SGCZ: variants seen among roughly 807,000 people sequenced by gnomAD.
The protein encoded by SGCZ is sarcoglycan zeta.
A neutral mutation model predicts 41.3 loss-of-function variants in SGCZ; 40 were observed. The ratio of observed to expected loss-of-function variants is 0.97; its 90% CI spans 0.75 to 1.26. The LOEUF (loss-of-function observed/expected upper bound fraction) is 1.26. SGCZ is among the 50% of genes most tolerant of loss of function. SGCZ has a pLI of 0.00. For missense variants in SGCZ, 552 were observed against 369.8 expected (o/e 1.49, Z -4.04); for synonymous variants, 206 against 137.5 (o/e 1.50, Z -3.49).
chr8:14,862,692 G>T (rs1009752730), intron 1 of SGCZ, among the ~76,000 whole-genome samples: 6 of 151,084 alleles, frequency 4.0e-5, no homozygotes, highest in Non-Finnish European at 8.8e-5. Context: ...CTGCAGAAAT[G>T]ATTATAATTA....
chr8:14,222,055 G>A (rs1446869297), intron 4 of SGCZ, among the ~76,000 whole-genome samples: 8 of 152,106 alleles, frequency 5.3e-5, no homozygotes, highest in Admixed American at 4.6e-4. Context: ...CAAACTGAAA[G>A]GGCTATTGCC....
At chr8:14,728,446 G>A (rs550418033) in intron 1 of SGCZ, among the ~76,000 whole-genome samples, 3 of 149,820 alleles carry the variant, frequency 2.0e-5, no homozygotes, top group Non-Finnish European at 4.4e-5. Flanking sequence ...AAATATCTTT[G>A]ACAATGATCG....
chr8:14,540,101 C>A (rs1023163158), intron 2 of SGCZ, among the ~76,000 whole-genome samples: 6 of 151,884 alleles, frequency 4.0e-5, no homozygotes, highest in Non-Finnish European at 8.8e-5. Context: ...ACTAATCTAT[C>A]CTGGCAGAGA....
intron 5 of SGCZ, among the ~76,000 whole-genome samples, chr8:14,131,111 G>C (rs1404209497): frequency 1.3e-5 from 2 of 152,080 alleles, no homozygotes; most frequent in African/African-American, 2.4e-5. Context: ...TCAAACTTCT[G>C]CTCTTAAACT....
intron 2 of SGCZ, among the ~76,000 whole-genome samples, chr8:14,447,797 A>C (rs913190645): frequency 1.3e-5 from 2 of 152,186 alleles, no homozygotes; most frequent in African/African-American, 4.8e-5. Context: ...ACATGCAATA[A>C]ATGACTTTGC....
intron 1 of SGCZ, among the ~76,000 whole-genome samples, chr8:15,172,959 G>A (rs775073115): frequency 1.3e-5 from 2 of 152,140 alleles, no homozygotes; most frequent in African/African-American, 2.4e-5. Flanking sequence ...AAGTCATTAC[G>A]AGATTTCATT....
At position 14,089,068 on chromosome 8, in the gene SGCZ, A is replaced by T. The variant is rs1202995151; in HGVS notation, c.*1375T>A. 6.6e-6 allele frequency among the ~76,000 whole-genome samples: 1 copy of T among 152,022 alleles called. No homozygotes were observed. Among genetic ancestry groups the T allele is most frequent in the Non-Finnish European group, 1.5e-5 (1 of 67,940 alleles). ...CAGTTTTACATTCTTTGACTCTGTA[A>T]GTTTCAAGAGTTTGAGTTAAGGGGT... On this transcript the variant is annotated 3_prime_UTR_variant, in exon 8 of 8. Transcript: ENST00000382080.
intron 3 of SGCZ, among the ~76,000 whole-genome samples, chr8:14,315,659 A>G (rs915481671): frequency 1.3e-5 from 2 of 152,112 alleles, no homozygotes; most frequent in African/African-American, 4.8e-5. Context: ...ACACTTGATA[A>G]TAACTTCAAG....
chr8:14,203,871 T>C (rs1363707139), intron 4 of SGCZ, among the ~76,000 whole-genome samples: 1 of 152,032 alleles, frequency 6.6e-6, no homozygotes, highest in Non-Finnish European at 1.5e-5. Context: ...CTGTAAGAAT[T>C]ATCTAGGAAA....
At chr8:15,074,978 G>T (rs536852798) in intron 1 of SGCZ, among the ~76,000 whole-genome samples, 62 of 152,238 alleles carry the variant, frequency 4.1e-4, no homozygotes, top group African/African-American at 1.4e-3. Context: ...TCAAGAGCAT[G>T]AATTGTATCC....
At chr8:15,181,337 T>C (rs1268848108) in intron 1 of SGCZ, among the ~76,000 whole-genome samples, 2 of 152,138 alleles carry the variant, frequency 1.3e-5, no homozygotes, top group African/African-American at 4.8e-5. Flanking sequence ...ATTTGAATTA[T>C]ACTTAAGAAT....
At chr8:15,172,779 G>A (rs928540905) in intron 1 of SGCZ, among the ~76,000 whole-genome samples, 2 of 151,916 alleles carry the variant, frequency 1.3e-5, no homozygotes, top group Non-Finnish European at 2.9e-5. Context: ...TCAGACATTT[G>A]GCAAAAGTAG....
At chr8:14,458,856 C>T (rs959324234) in intron 2 of SGCZ, among the ~76,000 whole-genome samples, 2 of 152,074 alleles carry the variant, frequency 1.3e-5, no homozygotes, top group African/African-American at 4.8e-5. Flanking sequence ...AACAAACAAA[C>T]AACACCATTA....
At chr8:14,312,339 T>C (rs1299443747) in intron 3 of SGCZ, among the ~76,000 whole-genome samples, 2 of 151,168 alleles carry the variant, frequency 1.3e-5, no homozygotes, top group African/African-American at 4.8e-5. Flanking sequence ...AGTAATTTTT[T>C]AGTAAATCTT....
chr8:14,925,007 G>A (rs1585383723), intron 1 of SGCZ, among the ~76,000 whole-genome samples: 1 of 151,880 alleles, frequency 6.6e-6, no homozygotes, highest in African/African-American at 2.4e-5. Flanking sequence ...ACAGGTGCGG[G>A]CCTCAATGCC....
rs10103894 is a variant in SGCZ at position 14,547,660 on chromosome 8, G to A, written c.234+7072C>T. Among the ~76,000 whole-genome samples, 1,303 of 152,136 alleles carry A rather than the reference G, an allele frequency of 8.6e-3. 14 individuals carry two copies. The highest frequency in any genetic ancestry group is 0.03 in the African/African-American group (1,243 of 41,494). On this transcript the variant is annotated intron_variant, in intron 2 of 7. Transcript: ENST00000382080. The stretch of plus-strand genomic sequence containing the variant: ...TAAGTGTTCACTCACTTAATGCTTC[G>A]AATATCTCCATGAGATCAACATCAT...
intron 1 of SGCZ, among the ~76,000 whole-genome samples, chr8:15,230,391 G>T (rs555115788): frequency 6.6e-6 from 1 of 152,228 alleles, no homozygotes; most frequent in African/African-American, 2.4e-5. Context: ...TAGAGGACAT[G>T]AATTTAAGTT....
chr8:14,338,728 GAGTGAACAAACTGGC>G (rs1802588387), intron 2 of SGCZ, among the ~76,000 whole-genome samples: 1 of 152,130 alleles, frequency 6.6e-6, no homozygotes, highest in Non-Finnish European at 1.5e-5. Flanking sequence ...TTATGAAATA[GAGTGAACAAACTGGC>G]TTTTTTTGCC....
chr8:14,106,434 G>T (rs1802205464), intron 6 of SGCZ, among the ~76,000 whole-genome samples: 1 of 151,746 alleles, frequency 6.6e-6, no homozygotes, highest in Non-Finnish European at 1.5e-5. Context: ...TCTAAAATAA[G>T]TCTTAGTCCT....
Sources: gnomAD v4.1 joint callset for allele counts (sites outside exome capture counted in the v4.1 genomes callset) on GRCh38, gnomAD v4.1.1 for gene constraint, MANE v1.5 for transcripts, NCBI Gene and HGNC (gene_info 2026-07-23, HGNC 2026-07-21) for gene names.